Variants in LTBP1 observed in about 807,000 individuals in gnomAD.
The protein encoded by LTBP1 is latent transforming growth factor beta binding protein 1, also known as latent-transforming growth factor beta-binding protein 1.
In LTBP1, 129 loss-of-function variants were observed where a neutral mutation model predicts 207.6. The ratio of observed to expected loss-of-function variants is 0.62; its 90% confidence interval spans 0.54 to 0.72. LTBP1 has a LOEUF of 0.72. Among genes scored for constraint, LTBP1 ranks in the 30% least tolerant of loss-of-function variants. LTBP1 has a pLI of 0.00. For synonymous variants in LTBP1, 963 were observed against 833.7 expected (o/e 1.16, Z -2.67); for missense variants, 2,281 against 2,217.2 (o/e 1.03, Z -0.58).
chr2:33,057,450 G>A (rs940587449), intron 3 of LTBP1, among the ~76,000 whole-genome samples: 5 of 152,244 alleles, frequency 3.3e-5, no homozygotes, highest in African/African-American at 9.6e-5. Flanking sequence ...TTGGGCAGTC[G>A]ATGGGACTGG....
At chr2:33,392,183 ATT>A (rs60323377) in intron 32 of LTBP1, among the ~76,000 whole-genome samples, 1 of 148,276 alleles carries the variant, frequency 6.7e-6, no homozygotes, top group African/African-American at 2.5e-5. Flanking sequence ...GCCAGGTAGT[ATT>A]TTTTTTTTTT....
At chr2:33,289,317 A>G (rs1248170177) in intron 19 of LTBP1, among the ~76,000 whole-genome samples, 7 of 152,242 alleles carry the variant, frequency 4.6e-5, no homozygotes, top group Admixed American at 3.9e-4. Context: ...TTATGTCTCA[A>G]AAGCCCATTG....
rs548583940 is a variant in LTBP1, at chr2:33,170,241, C to T, written c.1202-16615C>T. On this transcript the variant is annotated intron_variant, in intron 5 of 33. Coordinates refer to ENST00000404816, the MANE Select transcript of LTBP1 (RefSeq NM_206943.4). Reference sequence around the variant, plus strand: ...GAAGCGCAAGGGGTCAGGGAGTTCCCTTTCCTAGTCAAAGAAAGGGGTGAC... The same window carrying T: ...GAAGCGCAAGGGGTCAGGGAGTTCCTTTTCCTAGTCAAAGAAAGGGGTGAC... Among the ~76,000 whole-genome samples, 7 of 152,340 alleles carry T rather than the reference C, an allele frequency of 4.6e-5. No individual in the cohort carries two copies. The South Asian group carries it at 8.3e-4, about 18-fold the overall frequency.
chr2:33,106,405 ACTAT>A (rs1164035510), intron 3 of LTBP1, among the ~76,000 whole-genome samples: 1 of 152,240 alleles, frequency 6.6e-6, no homozygotes, highest in African/African-American at 2.4e-5. Context: ...CAGAGGAATC[ACTAT>A]CTATGGCAGC....
At chr2:33,304,498 C>G (rs539284637) in intron 22 of LTBP1, among the ~76,000 whole-genome samples, 1 of 152,102 alleles carries the variant, frequency 6.6e-6, no homozygotes, top group Admixed American at 6.5e-5. Context: ...CTGGCCTCCT[C>G]GTAGAGTCAG....
rs11388878 is a variant in LTBP1, at chr2:33,242,572, A to ATT, written c.1877-1082_1877-1081dup. ...AACTCCTTCCGCAAAACCAGCTGTG[A>ATT]TTTTTTTTTCCTTTTTTCTTAGATT... is the stretch of plus-strand genomic sequence containing the variant. On this transcript the variant is annotated intron_variant, in intron 9 of 33. Coordinates refer to ENST00000404816, the MANE Select transcript of LTBP1 (RefSeq NM_206943.4). Among the ~76,000 whole-genome samples the ATT allele has an allele frequency of 3.6e-4, 54 of 148,562 alleles. 1 individual carries two copies. The highest frequency in any genetic ancestry group is 3.6e-3 in the East Asian group (18 of 4,966).
intron 4 of LTBP1, among the ~76,000 whole-genome samples, chr2:33,118,190 C>CAAAAAAAAAAAA (rs1399685000): frequency 1.2e-5 from 1 of 81,394 alleles, no homozygotes; most frequent in Non-Finnish European, 2.4e-5. Flanking sequence ...AACTTGTGTG[C>CAAAAAAAAAAAA]AAAAAAAAAA....
chr2:33,383,326 C>T (rs1047326133), intron 31 of LTBP1, among the ~76,000 whole-genome samples: 2 of 152,246 alleles, frequency 1.3e-5, no homozygotes, highest in Non-Finnish European at 2.9e-5. Context: ...GCACTCCATC[C>T]TGGGTGACAG....
At chr2:33,307,628 A>T (rs1319661238) in intron 22 of LTBP1, among the ~76,000 whole-genome samples, 1 of 152,128 alleles carries the variant, frequency 6.6e-6, no homozygotes, top group Non-Finnish European at 1.5e-5. Context: ...ATTTGTCAAA[A>T]CTCATTGAGC....
chr2:33,069,706 A>C (rs145358739), intron 3 of LTBP1, among the ~76,000 whole-genome samples: 1 of 152,216 alleles, frequency 6.6e-6, no homozygotes, highest in South Asian at 2.1e-4. Flanking sequence ...AATGAACATC[A>C]TGCAGTTTTG....
In LTBP1 at chr2:33,158,160, A is replaced by AGAGAG. The variant is rs745818577; in HGVS notation, c.1201+23200_1201+23201insGAGAG. Among the ~76,000 whole-genome samples, 776 of 140,012 alleles carry AGAGAG rather than the reference A, an allele frequency of 5.5e-3. 6 individuals are homozygous for AGAGAG. Among genetic ancestry groups the AGAGAG allele is most frequent in the Non-Finnish European group, 9.7e-3 (590 of 60,658 alleles). 91.9% of individuals were successfully genotyped at this position (140,012 alleles called of 152,430 possible). A position where few individuals can be genotyped will look rare whatever the true frequency, so the allele number is the denominator to read the frequency against. ...CTCAAAAAAAAAACAAAAAAAAAAA[A>AGAGAG]AAAAAGAGAGAGAGAGAGAATATAT... On this transcript the variant is annotated intron_variant, in intron 5 of 33. Coordinates refer to ENST00000404816, the MANE Select transcript of LTBP1 (RefSeq NM_206943.4).
intron 10 of LTBP1, among the ~76,000 whole-genome samples, chr2:33,251,664 C>CAAAAAAAA (rs537403994): frequency 6.1e-5 from 4 of 65,844 alleles, no homozygotes; most frequent in Non-Finnish European, 8.4e-5. Flanking sequence ...GACTCAGTCT[C>CAAAAAAAA]AAAAAAAAAA....
intron 5 of LTBP1, among the ~76,000 whole-genome samples, chr2:33,136,378 A>G (rs1482697608): frequency 6.6e-6 from 1 of 152,206 alleles, no homozygotes; most frequent in African/African-American, 2.4e-5. Flanking sequence ...TCTGGGCCTC[A>G]GTTTTTCTCA....
chr2:33,119,632 C>T (rs967015029), intron 4 of LTBP1, among the ~76,000 whole-genome samples: 1 of 152,166 alleles, frequency 6.6e-6, no homozygotes, highest in Non-Finnish European at 1.5e-5. Flanking sequence ...TCTTGGCTTA[C>T]TGCAAGCTCC....
At chr2:33,115,598 A>T (rs1021817287) in intron 4 of LTBP1, among the ~76,000 whole-genome samples, 1 of 152,220 alleles carries the variant, frequency 6.6e-6, no homozygotes, top group Non-Finnish European at 1.5e-5. Flanking sequence ...AATTGAGCTC[A>T]TAAGCTCTCA....
At chr2:33,246,960 A>G (rs2092534665) in intron 10 of LTBP1, among the ~76,000 whole-genome samples, 2 of 152,234 alleles carry the variant, frequency 1.3e-5, no homozygotes, top group Admixed American at 1.3e-4. Context: ...AGGACTTTTC[A>G]GAGCAAATTC....
Position 33,110,612 on chromosome 2 carries a change from G to A in LTBP1, c.894G>A (p.Val298=), listed in dbSNP as rs1388332914. 1 of 1,613,852 alleles carries A rather than the reference G, an allele frequency of 6.2e-7. No homozygotes were observed. The highest frequency in any genetic ancestry group is 1.3e-5 in the African/African-American group (1 of 74,918). Residue 298 remains valine (V), a synonymous_variant, in exon 4 of 34, where the codon GTG becomes GTA. Transcript: ENST00000404816. The part of the protein sequence containing the change: ...QVTPLSSQSV[V]IHHGQTQEYV... ...CTCCTCTTTCTTCCCAGAGTGTGGT[G>A]ATTCACCATGGCCAGACCCAGGAAT... is the stretch of plus-strand genomic sequence containing the variant.
chr2:33,093,551 T>C (rs984551770), intron 3 of LTBP1, among the ~76,000 whole-genome samples: 1 of 152,190 alleles, frequency 6.6e-6, no homozygotes, highest in Non-Finnish European at 1.5e-5. Context: ...CATTTGCCAG[T>C]GTAAATGTTT....
At chr2:33,077,987 T>A (rs2078177293) in intron 3 of LTBP1, among the ~76,000 whole-genome samples, 1 of 152,052 alleles carries the variant, frequency 6.6e-6, no homozygotes, top group African/African-American at 2.4e-5. Flanking sequence ...CCCTTGTAGA[T>A]TTTGAGGTTG....
Sources: allele counts gnomAD v4.1 joint callset (sites outside exome capture counted in the v4.1 genomes callset), GRCh38; gene constraint gnomAD v4.1.1; transcripts MANE v1.5; gene names NCBI Gene and HGNC (gene_info 2026-07-23, HGNC 2026-07-21).